CARMIL1: variants seen among roughly 807,000 people sequenced by gnomAD.
CARMIL1 encodes the protein capping protein regulator and myosin 1 linker 1.
A neutral mutation model predicts 177.1 loss-of-function variants in CARMIL1; 90 were observed. The ratio of observed to expected loss-of-function variants is 0.51; its 90% confidence interval spans 0.43 to 0.61. CARMIL1 has a LOEUF of 0.61. Ranked by LOEUF, CARMIL1 falls within the 20% of genes least tolerant of loss-of-function variation. CARMIL1 has a pLI of 0.00. For missense variants in CARMIL1, 1,380 were observed against 1,667.0 expected (o/e 0.83, Z 3.00); for synonymous variants, 577 against 606.2 (o/e 0.95, Z 0.71).
intron 2 of CARMIL1, among the ~76,000 whole-genome samples, chr6:25,366,102 C>T (rs760816875): frequency 6.6e-6 from 1 of 152,000 alleles, no homozygotes; most frequent in Non-Finnish European, 1.5e-5. Flanking sequence ...TTCACAACCT[C>T]CCATTTCAGC....
In CARMIL1 at chr6:25,554,341, T is replaced by C. The variant is rs1054590979; in HGVS notation, c.2592+245T>C. On this transcript the variant is annotated intron_variant, in intron 28 of 36. Coordinates refer to ENST00000329474, the MANE Select transcript of CARMIL1 (RefSeq NM_017640.6). This position sits in a 1 kb window ranked among gnomAD's most constrained non-coding sequence, Gnocchi z 4.6. The stretch of plus-strand genomic sequence containing the variant: ...TGATTGTATCCAGAAATCTTATTGT[T>C]CATTTATTATAAAGGTCAAAAGCTT... Among the ~76,000 whole-genome samples the C allele has an allele frequency of 2.0e-5, 3 of 152,244 alleles. No individual in the cohort carries two copies. Among genetic ancestry groups the C allele is most frequent in the African/African-American group, 7.2e-5 (3 of 41,466 alleles).
chr6:25,438,436 T>A (rs968871133), intron 5 of CARMIL1, among the ~76,000 whole-genome samples: 2 of 152,212 alleles, frequency 1.3e-5, no homozygotes, highest in African/African-American at 4.8e-5. Flanking sequence ...TTTGAGTAAG[T>A]GCTGTGAGAG....
chr6:25,441,834 G>T (rs1207643298), intron 5 of CARMIL1, among the ~76,000 whole-genome samples: 1 of 151,948 alleles, frequency 6.6e-6, no homozygotes, highest in Non-Finnish European at 1.5e-5. Context: ...GTCATTCTGT[G>T]TTACGGCCTT....
intron 2 of CARMIL1, among the ~76,000 whole-genome samples, chr6:25,344,632 T>C (rs1031995611): frequency 6.6e-6 from 1 of 152,166 alleles, no homozygotes; most frequent in Non-Finnish European, 1.5e-5. Flanking sequence ...CTCAGACAAC[T>C]GTTGCATACT....
At chr6:25,614,038 T>TA (rs1449640832) in intron 36 of CARMIL1, among the ~76,000 whole-genome samples, 1 of 152,230 alleles carries the variant, frequency 6.6e-6, no homozygotes, top group African/African-American at 2.4e-5. Context: ...CTTCTTATGA[T>TA]ACACTTCACA....
intron 31 of CARMIL1, among the ~76,000 whole-genome samples, chr6:25,584,211 A>T (rs1357224434): frequency 2.7e-5 from 4 of 147,454 alleles, no homozygotes; most frequent in African/African-American, 7.5e-5. Flanking sequence ...TTATTTAAAT[A>T]TTTTTTTTTG....
At chr6:25,552,588 C>G (rs1810214761) in intron 27 of CARMIL1, among the ~76,000 whole-genome samples, 1 of 152,108 alleles carries the variant, frequency 6.6e-6, no homozygotes, top group South Asian at 2.1e-4. Context: ...TGACTGTTTT[C>G]CTCTAAAACC....
chr6:25,287,770 G>A lies in CARMIL1; in HGVS notation c.138+2861G>A, dbSNP rs548986375. ...CGAACCCAGCTCTGCCTCACTCAGA[G>A]CCTATCTGCTTTGCCTTTGTGGTCA... On this transcript the variant is annotated intron_variant, in intron 2 of 36. Coordinates refer to ENST00000329474, the MANE Select transcript of CARMIL1 (RefSeq NM_017640.6). 1.7e-4 allele frequency among the ~76,000 whole-genome samples: 26 copies of A among 152,354 alleles called. No individual in the cohort carries two copies. In the East Asian group the frequency reaches 3.7e-3, roughly 21 times the overall value.
chr6:25,520,787 C>T (rs1806479313), intron 23 of CARMIL1, among the ~76,000 whole-genome samples: 1 of 152,126 alleles, frequency 6.6e-6, no homozygotes, highest in African/African-American at 2.4e-5. Context: ...ACACCTATTC[C>T]TGCCTCTGTA....
At chr6:25,502,373 A>G (rs1352584047) in intron 17 of CARMIL1, among the ~76,000 whole-genome samples, 1 of 151,950 alleles carries the variant, frequency 6.6e-6, no homozygotes, top group Non-Finnish European at 1.5e-5. Flanking sequence ...CCTGGCCAAG[A>G]TGGTGACCCT....
intron 17 of CARMIL1, 56 bp downstream of exon 17, chr6:25,500,291 C>G (rs1161569403): frequency 6.8e-7 from 1 of 1,469,396 alleles, no homozygotes; most frequent in Non-Finnish European, 9.5e-7. Flanking sequence ...ACCGCTTTGC[C>G]TTTTTCCTGG....
intron 2 of CARMIL1, among the ~76,000 whole-genome samples, chr6:25,304,571 G>A (rs1783119275): frequency 6.6e-6 from 1 of 152,172 alleles, no homozygotes; most frequent in Non-Finnish European, 1.5e-5. Flanking sequence ...AGAATCAAAT[G>A]CCTTGGCTGA....
intron 2 of CARMIL1, among the ~76,000 whole-genome samples, chr6:25,324,020 G>T (rs901942661): frequency 6.6e-6 from 1 of 152,230 alleles, no homozygotes; most frequent in Non-Finnish European, 1.5e-5. Context: ...TAGAGGACAA[G>T]CCTGTTCTGG....
chr6:25,606,952 A>C (rs1816031091), intron 35 of CARMIL1, among the ~76,000 whole-genome samples: 1 of 152,168 alleles, frequency 6.6e-6, no homozygotes. Context: ...AAACTTAAAA[A>C]TATTAGAAAT....
At chr6:25,467,498 G>A (rs1483377025) in intron 9 of CARMIL1, among the ~76,000 whole-genome samples, 1 of 152,176 alleles carries the variant, frequency 6.6e-6, no homozygotes, top group African/African-American at 2.4e-5. Context: ...AGAAGGTTGT[G>A]GATATCTCAC....
At chr6:25,288,670 C>T (rs745451993) in intron 2 of CARMIL1, among the ~76,000 whole-genome samples, 1 of 152,126 alleles carries the variant, frequency 6.6e-6, no homozygotes, top group Non-Finnish European at 1.5e-5. Context: ...CTCCGTGGTG[C>T]GGAAAGTGCC....
chr6:25,292,246 A>G (rs373435545), intron 2 of CARMIL1, among the ~76,000 whole-genome samples: 3 of 152,150 alleles, frequency 2.0e-5, no homozygotes, highest in Non-Finnish European at 4.4e-5. Flanking sequence ...ACTTTTAAGG[A>G]TCACTTACAG....
At chr6:25,585,834 A>T (rs1813594883) in intron 31 of CARMIL1, among the ~76,000 whole-genome samples, 1 of 152,132 alleles carries the variant, frequency 6.6e-6, no homozygotes, top group African/African-American at 2.4e-5. Context: ...GAGTGGACAC[A>T]GCACATGTTT....
intron 17 of CARMIL1, among the ~76,000 whole-genome samples, chr6:25,504,393 G>A (rs141747454): frequency 0.017 from 2,563 of 152,010 alleles, 55 homozygotes; most frequent in South Asian, 0.1. Flanking sequence ...GGTTCTCAGG[G>A]TATTCTTTAT....
Sources: gnomAD v4.1 joint callset for allele counts (sites outside exome capture counted in the v4.1 genomes callset) on GRCh38, gnomAD v4.1.1 for gene constraint, Gnocchi (gnomAD v3.1) non-coding constraint, MANE v1.5 for transcripts, NCBI Gene and HGNC (gene_info 2026-07-23, HGNC 2026-07-21) for gene names.